Variants in MYO16 observed in about 807,000 individuals in gnomAD.
MYO16 encodes myosin XVI.
Under a neutral mutation model 205.3 loss-of-function variants are expected in MYO16, and 94 were observed. The ratio of observed to expected loss-of-function variants is 0.46; its 90% confidence interval spans 0.39 to 0.54. The LOEUF (loss-of-function observed/expected upper bound fraction) is 0.54, where lower values mean the gene tolerates loss of function less well. MYO16 is among the 20% of genes least tolerant of loss of function. The pLI, the probability that MYO16 is intolerant of heterozygous loss-of-function variation, is 0.00. For missense variants in MYO16, 2,315 were observed against 2,387.5 expected, an observed-to-expected ratio of 0.97 and a Z score of 0.63; for synonymous variants, 988 against 954.0, an observed-to-expected ratio of 1.04 and a Z score of -0.66.
chr13:109,118,803 A>T (rs956686843), intron 28 of MYO16, among the ~76,000 whole-genome samples: 10 of 152,186 alleles, frequency 6.6e-5, no homozygotes, highest in Non-Finnish European at 8.8e-5. Context: ...ACTATGAATT[A>T]TGGAAAATAA....
chr13:109,108,172 G>A (rs890244426), intron 28 of MYO16, among the ~76,000 whole-genome samples: 2 of 152,018 alleles, frequency 1.3e-5, no homozygotes, highest in African/African-American at 4.8e-5. Flanking sequence ...GTGTTCTTTT[G>A]TATTTTTACA....
At chr13:108,934,026 G>C (rs1405891181) in intron 16 of MYO16, among the ~76,000 whole-genome samples, 1 of 152,056 alleles carries the variant, frequency 6.6e-6, no homozygotes, top group African/African-American at 2.4e-5. Context: ...GTTGATTTCA[G>C]GTCTTTGCTA....
rs1350404533 is a variant in MYO16, at chr13:109,055,389, G to A, written c.3130-1G>A. On this transcript the variant is annotated splice_acceptor_variant, in intron 26 of 34. Coordinates refer to ENST00000457511, the MANE Select transcript of MYO16 (RefSeq NM_001198950.3). LOFTEE classifies it high-confidence loss of function. This position sits in a 1 kb window ranked among gnomAD's most constrained non-coding sequence, Gnocchi z 5.0. ...CAGTTGGGTTCTACTTCTCTCCTTA[G>A]AAATCACTAATGGATATTATTGGAA... is the stretch of plus-strand genomic sequence containing the variant. 1 of 1,607,128 alleles carries A rather than the reference G, an allele frequency of 6.2e-7. No homozygotes were observed. The highest frequency in any genetic ancestry group is 1.7e-5 in the Admixed American group (1 of 59,426).
chr13:108,753,547 G>A (rs971082924), intron 4 of MYO16, among the ~76,000 whole-genome samples: 62 of 152,214 alleles, frequency 4.1e-4, no homozygotes, highest in African/African-American at 1.5e-3. Context: ...CAAGAGATAT[G>A]ATCTCAGTAA....
At chr13:108,596,769 G>A (rs951864520) in intron 1 of MYO16, among the ~76,000 whole-genome samples, 3 of 151,978 alleles carry the variant, frequency 2.0e-5, no homozygotes, top group African/African-American at 7.3e-5. Context: ...AAAACATAAT[G>A]TACTTTTGGT....
intron 16 of MYO16, among the ~76,000 whole-genome samples, chr13:108,921,594 A>C (rs2139265413): frequency 6.6e-6 from 1 of 152,354 alleles, no homozygotes; most frequent in African/African-American, 2.4e-5. Flanking sequence ...CTGTTAGCAA[A>C]ATCATAGCTT....
At chr13:108,825,914 G>A (rs1207189719) in intron 9 of MYO16, among the ~76,000 whole-genome samples, 9 of 151,678 alleles carry the variant, frequency 5.9e-5, no homozygotes, top group African/African-American at 1.2e-4. Flanking sequence ...AGAAAAGAAC[G>A]GCAAGTTTTT....
the MYO16 span, among the ~76,000 whole-genome samples, chr13:108,552,162 C>A: frequency 1.3e-5 from 2 of 152,298 alleles, no homozygotes; most frequent in South Asian, 2.1e-4. Context: ...TATGGGAGAG[C>A]AAGGTCATCT....
At chr13:109,095,283 G>A (rs938862565) in intron 27 of MYO16, among the ~76,000 whole-genome samples, 3 of 152,214 alleles carry the variant, frequency 2.0e-5, no homozygotes, top group Non-Finnish European at 4.4e-5. Flanking sequence ...CAGACGCTGG[G>A]ACAGTGTGGG....
At chr13:108,777,754 T>C (rs1357915021) in intron 4 of MYO16, among the ~76,000 whole-genome samples, 1 of 152,200 alleles carries the variant, frequency 6.6e-6, no homozygotes, top group African/African-American at 2.4e-5. Context: ...GAATTAATAT[T>C]CTGCCCTTGT....
chr13:108,880,044 G>A (rs1270477205), intron 12 of MYO16, among the ~76,000 whole-genome samples: 3 of 152,118 alleles, frequency 2.0e-5, no homozygotes, highest in Admixed American at 1.3e-4. Flanking sequence ...ACTTTTTAAT[G>A]ATCGCCATTC....
chr13:108,707,882 T>TA (rs1883573482), intron 2 of MYO16, among the ~76,000 whole-genome samples: 1 of 152,062 alleles, frequency 6.6e-6, no homozygotes, highest in Non-Finnish European at 1.5e-5. Context: ...ATCAAAGGAT[T>TA]GAAGAGATGG....
intron 20 of MYO16, among the ~76,000 whole-genome samples, chr13:108,987,860 G>C (rs1317728003): frequency 6.6e-6 from 1 of 152,184 alleles, no homozygotes; most frequent in African/African-American, 2.4e-5. Context: ...GTTTACCCGT[G>C]TTCTAAGATA....
chr13:109,130,404 T>C (rs1031592060), intron 31 of MYO16, among the ~76,000 whole-genome samples: 1 of 152,240 alleles, frequency 6.6e-6, no homozygotes, highest in East Asian at 1.9e-4. Context: ...TGCTGGTTAC[T>C]TTACAACCAC....
chr13:108,908,495 CT>C (rs1323324610), intron 15 of MYO16, among the ~76,000 whole-genome samples: 1 of 152,210 alleles, frequency 6.6e-6, no homozygotes, highest in East Asian at 1.9e-4. Flanking sequence ...TAGTGCTGGA[CT>C]TTAGAATAAT....
At chr13:108,921,078 A>G (rs1462074562) in intron 16 of MYO16, among the ~76,000 whole-genome samples, 1 of 152,254 alleles carries the variant, frequency 6.6e-6, no homozygotes, top group East Asian at 1.9e-4. Context: ...AGCAAACAGC[A>G]TCACACACTG....
At chr13:108,542,435 G>C in the MYO16 span, among the ~76,000 whole-genome samples, 1 of 152,098 alleles carries the variant, frequency 6.6e-6, no homozygotes, top group Non-Finnish European at 1.5e-5. Flanking sequence ...GTTTACCTTT[G>C]TAACAAACCT....
intron 28 of MYO16, among the ~76,000 whole-genome samples, chr13:109,107,823 A>ATTATATTATT (rs1470996774): frequency 4.1e-5 from 6 of 147,574 alleles, no homozygotes; most frequent in African/African-American, 9.8e-5. Context: ...ATTATATTAT[A>ATTATATTATT]TTATATTATA....
At chr13:108,743,118 T>G (rs768760777) in intron 4 of MYO16, among the ~76,000 whole-genome samples, 2 of 152,202 alleles carry the variant, frequency 1.3e-5, no homozygotes, top group Non-Finnish European at 2.9e-5. Flanking sequence ...AACAAAATAC[T>G]TTTACATTGG....
Sources: gnomAD v4.1 joint callset for allele counts (sites outside exome capture counted in the v4.1 genomes callset) on GRCh38, gnomAD v4.1.1 for gene constraint, Gnocchi (gnomAD v3.1) non-coding constraint, MANE v1.5 for transcripts, NCBI Gene and HGNC (gene_info 2026-07-23, HGNC 2026-07-21) for gene names.